Variants in ABR observed in about 807,000 individuals in gnomAD.
The protein encoded by ABR is active breakpoint cluster region-related protein.
A neutral mutation model predicts 107.2 loss-of-function variants in ABR; 35 were observed. The ratio of observed to expected loss-of-function variants is 0.33; its 90% confidence interval spans 0.25 to 0.43. ABR has a LOEUF of 0.43. Among genes scored for constraint, ABR ranks in the 20% least tolerant of loss-of-function variants. ABR has a pLI of 1.00. For missense variants in ABR, 815 were observed against 1,115.2 expected (o/e 0.73, Z 3.83); for synonymous variants, 498 against 462.0 (o/e 1.08, Z -1.00).
intron 17 of ABR, 34 bp from the exon 18 acceptor site, chr17:1,012,831 A>C: frequency 6.6e-7 from 1 of 1,520,370 alleles, no homozygotes; most frequent in South Asian, 1.2e-5. Flanking sequence ...AAGATTCCCC[A>C]GGGTGTGAGT....
At chr17:1,075,398 G>A (rs756342306) in intron 6 of ABR, among the ~76,000 whole-genome samples, 16 of 152,266 alleles carry the variant, frequency 1.1e-4, no homozygotes, top group African/African-American at 3.9e-4. Flanking sequence ...GCACGCCCTA[G>A]CCGGGCCCCA....
At chr17:1,104,095 T>A (rs549127713) in intron 2 of ABR, among the ~76,000 whole-genome samples, 1 of 151,822 alleles carries the variant, frequency 6.6e-6, no homozygotes, top group South Asian at 2.1e-4. Context: ...CTCTAAAGAG[T>A]TCCAGGTCCC....
At chr17:1,032,745 C>T (rs1447705820) in intron 16 of ABR, among the ~76,000 whole-genome samples, 1 of 152,176 alleles carries the variant, frequency 6.6e-6, no homozygotes, top group African/African-American at 2.4e-5. Context: ...CAAATTACGT[C>T]TCAAGGTAAC....
intron 16 of ABR, among the ~76,000 whole-genome samples, chr17:1,033,612 G>A (rs1362490158): frequency 4.6e-5 from 7 of 152,176 alleles, no homozygotes; most frequent in Admixed American, 1.3e-4. Context: ...CCGGGCCTCA[G>A]TCTTCACTGT....
intron 16 of ABR, among the ~76,000 whole-genome samples, chr17:1,028,791 G>C (rs1181213603): frequency 6.6e-6 from 1 of 152,212 alleles, no homozygotes; most frequent in Admixed American, 6.5e-5. Flanking sequence ...CCGCCGGCCA[G>C]CATCTGGCCT....
At chr17:1,073,792 G>A in intron 6 of ABR, 115 bp from the exon 7 acceptor site, 2 of 931,838 alleles carry the variant, frequency 2.1e-6, no homozygotes, top group Non-Finnish European at 3.2e-6. Flanking sequence ...CACCCCTCGA[G>A]GGACACCAGA....
chr17:1,185,293 T>C (rs2150670512), intron 1 of ABR, among the ~76,000 whole-genome samples: 1 of 152,258 alleles, frequency 6.6e-6, no homozygotes, highest in South Asian at 2.1e-4. Flanking sequence ...ACCCCACTTC[T>C]TCAATGCCTC....
chr17:1,101,623 T>C (rs2037872417), intron 2 of ABR, among the ~76,000 whole-genome samples: 1 of 152,212 alleles, frequency 6.6e-6, no homozygotes, highest in African/African-American at 2.4e-5. Context: ...ATTTATTCAT[T>C]CAATAAATAT....
At chr17:1,210,000 C>A (rs57539961) in intron 1 of ABR, among the ~76,000 whole-genome samples, 7,132 of 152,182 alleles carry the variant, frequency 0.047, 460 homozygotes, top group African/African-American at 0.15. Context: ...GATACATATG[C>A]CAAAGTGCCT....
rs1208162999 is a variant in ABR at position 1,084,879 on chromosome 17, G to C, written c.532-1252C>G. The stretch of plus-strand genomic sequence containing the variant: ...GCTGCAGTACAGTGGTGCGATCTCG[G>C]CTCACCGCAACCTCCCGGATTCAAG... On this transcript the variant is annotated intron_variant, in intron 4 of 22. Transcript: ENST00000302538. The surrounding 1 kb of genome is among the most constrained non-coding windows in gnomAD (Gnocchi z 4.2). Among the ~76,000 whole-genome samples the C allele has an allele frequency of 6.6e-6, 1 of 151,974 alleles. No homozygotes were observed. Among genetic ancestry groups the C allele is most frequent in the African/African-American group, 2.4e-5 (1 of 41,290 alleles).
intron 6 of ABR, among the ~76,000 whole-genome samples, chr17:1,077,764 G>A (rs2035847803): frequency 6.6e-6 from 1 of 152,218 alleles, no homozygotes; most frequent in Non-Finnish European, 1.5e-5. Context: ...CAAAGTGACT[G>A]AGAAGGGTGC....
At position 1,051,433 on chromosome 17, in the gene ABR, G is replaced by A. The variant is rs1024259342; in HGVS notation, c.1562-799C>T. On this transcript the variant is annotated intron_variant, in intron 14 of 22. Transcript: ENST00000302538. The surrounding 1 kb of genome is among the most constrained non-coding windows in gnomAD (Gnocchi z 4.3). The stretch of plus-strand genomic sequence containing the variant: ...AAGGCAGTGGAGGGCTGGGGCGGGA[G>A]GGCAGGGCCGGGGGCTTTCCCCGGC... Among the ~76,000 whole-genome samples the A allele has an allele frequency of 1.3e-5, 2 of 152,114 alleles. No homozygotes were observed. Among genetic ancestry groups the A allele is most frequent in the Admixed American group, 1.3e-4 (2 of 15,274 alleles).
intron 1 of ABR, among the ~76,000 whole-genome samples, chr17:1,208,617 A>G (rs548146386): frequency 9.2e-5 from 14 of 152,306 alleles, no homozygotes; most frequent in Admixed American, 4.6e-4. Flanking sequence ...GGCCGGGCAC[A>G]GTGGCTCACG....
chr17:1,203,383 T>C (rs1337542328), intron 1 of ABR, among the ~76,000 whole-genome samples: 1 of 48,876 alleles, frequency 2.0e-5, no homozygotes, highest in South Asian at 8.9e-4. Context: ...GGCGGGGCCT[T>C]GAGGGGGCGG....
intron 5 of ABR, 31 bp from the exon 6 acceptor site, chr17:1,079,421 G>C: frequency 2.5e-6 from 4 of 1,595,804 alleles, no homozygotes; most frequent in Non-Finnish European, 3.4e-6. Flanking sequence ...GTCATGGCCT[G>C]TTCTGTCCCT....
chr17:1,192,273 T>G (rs2042452309), upstream of ABR, among the ~76,000 whole-genome samples: 1 of 152,018 alleles, frequency 6.6e-6, no homozygotes, highest in Non-Finnish European at 1.5e-5. Flanking sequence ...CACGGCGCCC[T>G]GCAGAAAAGT....
chr17:1,073,897 T>C (rs1161453207), intron 6 of ABR, among the ~76,000 whole-genome samples: 1 of 151,044 alleles, frequency 6.6e-6, no homozygotes, highest in East Asian at 2.0e-4. Flanking sequence ...CCCTGCTCCC[T>C]CCGCAGCCCT....
At chr17:1,088,270 T>C (rs944874525) in intron 4 of ABR, among the ~76,000 whole-genome samples, 2 of 151,846 alleles carry the variant, frequency 1.3e-5, no homozygotes, top group Non-Finnish European at 2.9e-5. Context: ...ACCCTAGGTT[T>C]GCTCTCCTCT....
chr17:1,222,203 T>G (rs2043132359), intron 1 of ABR, among the ~76,000 whole-genome samples: 1 of 151,826 alleles, frequency 6.6e-6, no homozygotes, highest in Admixed American at 6.6e-5. Flanking sequence ...TAGCTGGGAT[T>G]ACAGGTATGT....
Sources: allele counts gnomAD v4.1 joint callset (sites outside exome capture counted in the v4.1 genomes callset), GRCh38; gene constraint gnomAD v4.1.1; non-coding constraint Gnocchi (gnomAD v3.1); transcripts MANE v1.5; gene names NCBI Gene and HGNC (gene_info 2026-07-23, HGNC 2026-07-21).